Variants in MRPL1 observed in about 807,000 individuals in gnomAD.
MRPL1 encodes the protein mitochondrial ribosomal protein L1.
A neutral mutation model predicts 38.0 loss-of-function variants in MRPL1; 28 were observed. The ratio of observed to expected loss-of-function variants is 0.74; its 90% CI spans 0.55 to 1.01. The LOEUF is 1.01. Among genes scored for constraint, MRPL1 ranks in the 50% least tolerant of loss-of-function variants. MRPL1 has a pLI of 0.00. For synonymous variants in MRPL1, 123 were observed against 126.7 expected, an observed-to-expected ratio of 0.97 and a Z score of 0.20; for missense variants, 358 against 389.8, an observed-to-expected ratio of 0.92 and a Z score of 0.69.
chr4:77,904,172 A>G (rs575047581), intron 6 of MRPL1, among the ~76,000 whole-genome samples: 1 of 151,884 alleles, frequency 6.6e-6, no homozygotes, highest in South Asian at 2.1e-4. Context: ...GCTCAAGCCC[A>G]GGAGATTGAG....
intron 7 of MRPL1, among the ~76,000 whole-genome samples, chr4:77,935,984 G>C (rs1736965421): frequency 6.6e-6 from 1 of 151,494 alleles, no homozygotes; most frequent in South Asian, 2.1e-4. Flanking sequence ...ATCTTAAAGG[G>C]CTAGTTTAAA....
intron 7 of MRPL1, among the ~76,000 whole-genome samples, chr4:77,919,479 C>G (rs1438731698): frequency 1.5e-5 from 2 of 133,746 alleles, no homozygotes; most frequent in African/African-American, 6.5e-5. Flanking sequence ...TCTTTCCTTT[C>G]ACTTTTGTTA....
chr4:77,904,641 C>T (rs1736114125), intron 6 of MRPL1, among the ~76,000 whole-genome samples: 1 of 152,064 alleles, frequency 6.6e-6, no homozygotes, highest in Admixed American at 6.5e-5. Context: ...CATAGAGCTA[C>T]AGTAATCAAG....
rs1281193493 is a variant in MRPL1, at chr4:77,890,340, A to G, written c.558+3049A>G. Reference sequence around the variant, plus strand: ...TGCAAGGCTGGTTCAACATATGCAAATCAATAAATGTAATCCATCATATAA... The same window carrying G: ...TGCAAGGCTGGTTCAACATATGCAAGTCAATAAATGTAATCCATCATATAA... On this transcript the variant is annotated intron_variant, in intron 5 of 8. Transcript: ENST00000315567. 2.0e-5 allele frequency among the ~76,000 whole-genome samples: 3 copies of G among 152,232 alleles called. No homozygotes were observed. The East Asian group carries it at 5.8e-4, about 29-fold the overall frequency.
At chr4:77,893,994 A>C (rs1735861112) in intron 5 of MRPL1, 145 bp from the exon 6 acceptor site, 1 of 580,784 alleles carries the variant, frequency 1.7e-6, no homozygotes, top group Non-Finnish European at 3.0e-6. Context: ...TGACAGGTGT[A>C]TTTGTATGAT....
At chr4:77,919,847 A>ATG (rs71661683) in intron 7 of MRPL1, among the ~76,000 whole-genome samples, 21 of 144,762 alleles carry the variant, frequency 1.5e-4, no homozygotes, top group African/African-American at 5.1e-4. Context: ...ATATATATAT[A>ATG]TATGTGTGTG....
intron 5 of MRPL1, among the ~76,000 whole-genome samples, chr4:77,890,129 A>G (rs1735773647): frequency 6.6e-6 from 1 of 152,224 alleles, no homozygotes; most frequent in African/African-American, 2.4e-5. Context: ...AATTCATTTT[A>G]TGAGGCCAGC....
chr4:77,881,233 G>T lies in MRPL1; in HGVS notation c.144-2009G>T, dbSNP rs1052973631. 2.6e-5 allele frequency among the ~76,000 whole-genome samples: 4 copies of T among 152,130 alleles called. 1 individual carries two copies. In the South Asian group the frequency reaches 8.3e-4, roughly 32 times the overall value. ...TGAATGGAAAGGAGGTAAAGAATTG[G>T]GACCAATGATACAATTGACCCATAC... is the stretch of plus-strand genomic sequence containing the variant. On this transcript the variant is annotated intron_variant, in intron 2 of 8. Coordinates refer to ENST00000315567, the MANE Select transcript of MRPL1 (RefSeq NM_020236.4).
chr4:77,929,166 C>T (rs1736787306), intron 7 of MRPL1, among the ~76,000 whole-genome samples: 1 of 152,176 alleles, frequency 6.6e-6, no homozygotes, highest in African/African-American at 2.4e-5. Flanking sequence ...TGGCTTATGC[C>T]TGTAGTCTCA....
intron 7 of MRPL1, among the ~76,000 whole-genome samples, chr4:77,912,337 A>G (rs1349817908): frequency 6.6e-6 from 1 of 152,188 alleles, no homozygotes; most frequent in Non-Finnish European, 1.5e-5. Flanking sequence ...TGTTCTAGCT[A>G]CTAGAACAAC....
intron 7 of MRPL1, among the ~76,000 whole-genome samples, chr4:77,917,986 C>T (rs1466430759): frequency 6.8e-6 from 1 of 146,750 alleles, no homozygotes; most frequent in African/African-American, 2.6e-5. Flanking sequence ...ACCTGGGAGG[C>T]GGAGGTTGCA....
rs1239509020 is a variant in MRPL1 at position 77,869,777 on chromosome 4, G to A, written c.32-1967G>A. Among the ~76,000 whole-genome samples, 5 of 151,998 alleles carry A rather than the reference G, an allele frequency of 3.3e-5. No individual in the cohort carries two copies. The East Asian group carries it at 9.7e-4, about 29-fold the overall frequency. ...GCTAATTTTTTTTGCGTTTTTAGTA[G>A]AGACAGTTTCATCATCTTGGTCAGG... On this transcript the variant is annotated intron_variant, in intron 1 of 8. Transcript: ENST00000315567.
intron 6 of MRPL1, among the ~76,000 whole-genome samples, chr4:77,906,363 CT>C (rs929171624): frequency 4.9e-4 from 71 of 144,546 alleles, no homozygotes; most frequent in Admixed American, 6.2e-4. Flanking sequence ...ATAGAGATGG[CT>C]TTTTTTTTTT....
At chr4:77,931,665 C>A (rs1405176885) in intron 7 of MRPL1, among the ~76,000 whole-genome samples, 1 of 152,200 alleles carries the variant, frequency 6.6e-6, no homozygotes, top group Non-Finnish European at 1.5e-5. Flanking sequence ...GATTACACAT[C>A]AGGAAAACTG....
intron 2 of MRPL1, among the ~76,000 whole-genome samples, chr4:77,877,445 C>T (rs747171079): frequency 6.9e-6 from 1 of 143,960 alleles, no homozygotes; most frequent in Non-Finnish European, 1.5e-5. Context: ...GGGTTTTTCT[C>T]AGCGTTCCTG....
intron 1 of MRPL1, 119 bp downstream of exon 1, chr4:77,862,998 CTA>C (rs903615649): frequency 7.7e-7 from 1 of 1,301,742 alleles, no homozygotes; most frequent in African/African-American, 1.5e-5. Flanking sequence ...TTTCTGGTCT[CTA>C]GGTTTTTCAG....
chr4:77,923,899 G>A, intron 7 of MRPL1, among the ~76,000 whole-genome samples: 1 of 152,016 alleles, frequency 6.6e-6, no homozygotes, highest in Admixed American at 6.6e-5. Context: ...AACCTCAGGG[G>A]CGGAAGCAAG....
At chr4:77,947,597 G>A (rs1367866190) in intron 7 of MRPL1, among the ~76,000 whole-genome samples, 2 of 152,192 alleles carry the variant, frequency 1.3e-5, no homozygotes, top group Non-Finnish European at 2.9e-5. Context: ...TGGAAGTGCA[G>A]ACTAACTGAG....
At chr4:77,892,248 C>T (rs1218925432) in intron 5 of MRPL1, among the ~76,000 whole-genome samples, 3 of 151,886 alleles carry the variant, frequency 2.0e-5, no homozygotes, top group Non-Finnish European at 4.4e-5. Context: ...TCTCCTGAAT[C>T]TGCCTCCCGA....
Sources: gnomAD v4.1 joint callset for allele counts (sites outside exome capture counted in the v4.1 genomes callset) on GRCh38, gnomAD v4.1.1 for gene constraint, MANE v1.5 for transcripts, NCBI Gene and HGNC (gene_info 2026-07-23, HGNC 2026-07-21) for gene names.